NUBPL: variants seen among roughly 807,000 people sequenced by gnomAD.
NUBPL encodes iron-sulfur cluster transfer protein NUBPL.
NUBPL carries 31 observed loss-of-function variants against 45.7 expected under a neutral mutation model. The ratio of observed to expected loss-of-function variants is 0.68; its 90% CI spans 0.51 to 0.92. The LOEUF is 0.92. Among genes scored for constraint, NUBPL ranks in the 40% least tolerant of loss-of-function variants. NUBPL has a pLI of 0.00. For missense variants in NUBPL, 401 were observed against 398.7 expected, an observed-to-expected ratio of 1.01 and a Z score of -0.05; for synonymous variants, 144 against 140.9, an observed-to-expected ratio of 1.02 and a Z score of -0.15.
chr14:31,662,629 T>C (rs1261220054), intron 4 of NUBPL, among the ~76,000 whole-genome samples: 5 of 152,312 alleles, frequency 3.3e-5, no homozygotes, highest in East Asian at 3.9e-4. Flanking sequence ...GCTTTATCCA[T>C]GTCCCTACAA....
In NUBPL at chr14:31,856,462, A is replaced by G. The variant is rs550120271; in HGVS notation, c.898-2656A>G. On this transcript the variant is annotated intron_variant, in intron 10 of 10. Transcript: ENST00000281081. The stretch of plus-strand genomic sequence containing the variant: ...CACATGTCCTCACATTTCAAACCCA[A>G]TCATGCCTTCCCAACAGTCCCCGAA... 4.6e-5 allele frequency among the ~76,000 whole-genome samples: 7 copies of G among 152,168 alleles called. No individual in the cohort carries two copies. The East Asian group carries it at 9.7e-4, about 21-fold the overall frequency.
intron 4 of NUBPL, among the ~76,000 whole-genome samples, chr14:31,613,863 C>G (rs1474383496): frequency 6.6e-6 from 1 of 151,376 alleles, no homozygotes. Flanking sequence ...GTCTCATGTA[C>G]CCCATAAATA....
chr14:31,564,581 CAG>C (rs2033386833), intron 2 of NUBPL, among the ~76,000 whole-genome samples: 1 of 149,576 alleles, frequency 6.7e-6, no homozygotes, highest in Non-Finnish European at 1.5e-5. Flanking sequence ...GCCTGGGGGA[CAG>C]AGCATAGTAA....
intron 6 of NUBPL, among the ~76,000 whole-genome samples, chr14:31,765,239 A>G (rs1372206517): frequency 6.6e-6 from 1 of 152,202 alleles, no homozygotes; most frequent in Admixed American, 6.5e-5. Context: ...ACTTCGTTTT[A>G]ATCTTGAGAA....
At chr14:31,609,951 G>A (rs142264611) in intron 4 of NUBPL, among the ~76,000 whole-genome samples, 2 of 152,090 alleles carry the variant, frequency 1.3e-5, no homozygotes, top group East Asian at 1.9e-4. Flanking sequence ...AGCTATAAGT[G>A]CCTATATCAA....
chr14:31,762,109 A>G (rs906295690), intron 6 of NUBPL, among the ~76,000 whole-genome samples: 10 of 152,178 alleles, frequency 6.6e-5, no homozygotes, highest in East Asian at 5.8e-4. Flanking sequence ...GAAAAGGACA[A>G]ATTTGCAGGT....
intron 3 of NUBPL, among the ~76,000 whole-genome samples, chr14:31,584,300 T>G (rs1345740118): frequency 6.6e-6 from 1 of 152,172 alleles, no homozygotes; most frequent in Non-Finnish European, 1.5e-5. Flanking sequence ...GATTTTTTAA[T>G]TTTTTGTAGA....
At chr14:31,810,294 G>T (rs573005054) in intron 7 of NUBPL, among the ~76,000 whole-genome samples, 1 of 152,168 alleles carries the variant, frequency 6.6e-6, no homozygotes, top group Admixed American at 6.5e-5. Context: ...TATGAATCTG[G>T]GTGCTCCTGT....
At chr14:31,667,222 A>G (rs2036454390) in intron 4 of NUBPL, among the ~76,000 whole-genome samples, 1 of 151,982 alleles carries the variant, frequency 6.6e-6, no homozygotes, top group Non-Finnish European at 1.5e-5. Flanking sequence ...ACATAGTCCC[A>G]TATTTCTTGG....
intron 6 of NUBPL, among the ~76,000 whole-genome samples, chr14:31,683,763 T>A (rs2036892276): frequency 7.5e-6 from 1 of 132,684 alleles, no homozygotes; most frequent in Non-Finnish European, 1.8e-5. Flanking sequence ...AAAATCTTCA[T>A]TTTTTTTCTA....
intron 6 of NUBPL, among the ~76,000 whole-genome samples, chr14:31,681,599 T>TA (rs2139834183): frequency 6.6e-6 from 1 of 152,138 alleles, no homozygotes; most frequent in African/African-American, 2.4e-5. Flanking sequence ...ATCAGGCTAA[T>TA]ATACCCTTCT....
chr14:31,732,634 T>TG (rs1222400976), intron 6 of NUBPL, among the ~76,000 whole-genome samples: 2 of 140,774 alleles, frequency 1.4e-5, no homozygotes, highest in African/African-American at 5.4e-5. Context: ...TTTTTTGAGA[T>TG]GGAGTCTCAC....
intron 4 of NUBPL, among the ~76,000 whole-genome samples, chr14:31,653,829 C>A (rs1443971145): frequency 6.6e-6 from 1 of 152,126 alleles, no homozygotes; most frequent in Admixed American, 6.6e-5. Context: ...TAAAGACAGG[C>A]ATAAGATATT....
intron 4 of NUBPL, among the ~76,000 whole-genome samples, chr14:31,649,528 A>C (rs940671076): frequency 3.3e-5 from 5 of 152,202 alleles, no homozygotes; most frequent in African/African-American, 1.2e-4. Context: ...TGTGAAATGA[A>C]CTTTTAAGTT....
intron 7 of NUBPL, among the ~76,000 whole-genome samples, chr14:31,791,100 C>A (rs763881230): frequency 1.7e-4 from 26 of 151,886 alleles, no homozygotes; most frequent in Non-Finnish European, 3.1e-4. Context: ...GAGACCCTAT[C>A]TGTACAAAAG....
At chr14:31,806,476 A>G (rs1171315157) in intron 7 of NUBPL, among the ~76,000 whole-genome samples, 1 of 152,182 alleles carries the variant, frequency 6.6e-6, no homozygotes, top group Non-Finnish European at 1.5e-5. Flanking sequence ...AAACCAAAAT[A>G]GTTTTTTCAG....
chr14:31,822,802 C>T (rs1358957421), intron 7 of NUBPL, among the ~76,000 whole-genome samples: 1 of 151,982 alleles, frequency 6.6e-6, no homozygotes, highest in African/African-American at 2.4e-5. Context: ...TGATCATTGT[C>T]CTTGTCAAAT....
intron 7 of NUBPL, 127 bp from the exon 8 acceptor site, chr14:31,826,502 A>G: frequency 1.2e-6 from 1 of 816,614 alleles, no homozygotes; most frequent in Non-Finnish European, 2.1e-6. Flanking sequence ...TCATGTGTGT[A>G]AAATGTATAT....
At chr14:31,709,599 T>C (rs1566515327) in intron 6 of NUBPL, among the ~76,000 whole-genome samples, 2 of 152,248 alleles carry the variant, frequency 1.3e-5, no homozygotes, top group Non-Finnish European at 2.9e-5. Context: ...AACAATAGCA[T>C]GACATCTCTC....
Sources: gnomAD v4.1 joint callset for allele counts (sites outside exome capture counted in the v4.1 genomes callset) on GRCh38, gnomAD v4.1.1 for gene constraint, MANE v1.5 for transcripts, NCBI Gene and HGNC (gene_info 2026-07-23, HGNC 2026-07-21) for gene names.